The following PRDM5 variants were observed in gnomAD, a reference collection of about 807,000 sequenced individuals.
The protein encoded by PRDM5 is PR domain zinc finger protein 5.
Under a neutral mutation model 81.2 loss-of-function variants are expected in PRDM5, and 56 were observed. The observed-to-expected ratio is 0.69, with a 90% confidence interval of 0.56 to 0.86. The LOEUF is 0.86. PRDM5 is among the 40% of genes least tolerant of loss of function. The probability of loss-of-function intolerance (pLI) is 0.00; values close to 1 mark genes in which losing one functional copy is unlikely to be tolerated. For synonymous variants in PRDM5, 267 were observed against 256.4 expected (o/e 1.04, Z -0.39); for missense variants, 697 against 770.1 (o/e 0.91, Z 1.12).
intron 15 of PRDM5, among the ~76,000 whole-genome samples, chr4:120,704,559 T>G (rs146088724): frequency 6.6e-6 from 1 of 152,348 alleles, no homozygotes; most frequent in East Asian, 1.9e-4. Context: ...TCTAGATAAG[T>G]ATCTTCAGTT....
chr4:120,852,040 T>C (rs1275944007), intron 3 of PRDM5, among the ~76,000 whole-genome samples: 3 of 152,182 alleles, frequency 2.0e-5, no homozygotes, highest in Non-Finnish European at 2.9e-5. Flanking sequence ...AATGTTTCCT[T>C]ATTCTTTTGG....
At chr4:120,707,144 T>C (rs1246423325) in intron 15 of PRDM5, among the ~76,000 whole-genome samples, 2 of 152,052 alleles carry the variant, frequency 1.3e-5, no homozygotes, top group Non-Finnish European at 2.9e-5. Flanking sequence ...AAATCTCTTA[T>C]AAATTCAGAT....
intron 14 of PRDM5, among the ~76,000 whole-genome samples, chr4:120,749,159 C>T (rs902346639): frequency 6.6e-6 from 1 of 151,562 alleles, no homozygotes; most frequent in Admixed American, 6.6e-5. Context: ...GGTCATGAAA[C>T]ATTTTGTGAG....
At position 120,877,552 on chromosome 4, in the gene PRDM5, C is replaced by G. The variant is rs375261372; in HGVS notation, c.178-24012G>C. Among the ~76,000 whole-genome samples, 13 of 152,256 alleles carry G rather than the reference C, an allele frequency of 8.5e-5. No homozygotes were observed. The East Asian group carries it at 2.3e-3, about 27-fold the overall frequency. The stretch of plus-strand genomic sequence containing the variant: ...GGGTGCGGTGGCTCACGCCTGTAAT[C>G]CCAGCACTTTGGGAGGCTGAGGCGG... On this transcript the variant is annotated intron_variant, in intron 2 of 15. Transcript: ENST00000264808.
intron 7 of PRDM5, among the ~76,000 whole-genome samples, chr4:120,815,053 G>T (rs1334780207): frequency 2.0e-5 from 3 of 152,160 alleles, no homozygotes; most frequent in African/African-American, 7.2e-5. Flanking sequence ...TAATAAGAAT[G>T]CAAGTCTCCA....
At chr4:120,763,411 T>C (rs886219376) in intron 13 of PRDM5, among the ~76,000 whole-genome samples, 7 of 152,170 alleles carry the variant, frequency 4.6e-5, no homozygotes, top group Non-Finnish European at 7.3e-5. Context: ...ATTACCCTCA[T>C]TACATGTGAC....
At chr4:120,711,624 C>A (rs1030248990) in intron 14 of PRDM5, among the ~76,000 whole-genome samples, 2 of 151,908 alleles carry the variant, frequency 1.3e-5, no homozygotes, top group Non-Finnish European at 2.9e-5. Flanking sequence ...ATTTCTATTA[C>A]CTCATCTTTT....
At chr4:120,873,537 C>T (rs1467488813) in intron 2 of PRDM5, among the ~76,000 whole-genome samples, 1 of 152,208 alleles carries the variant, frequency 6.6e-6, no homozygotes, top group Admixed American at 6.5e-5. Context: ...CATTTCTTCA[C>T]CTCCCACAAA....
intron 10 of PRDM5, among the ~76,000 whole-genome samples, chr4:120,794,561 A>G: frequency 7.1e-6 from 1 of 140,556 alleles, no homozygotes; most frequent in African/African-American, 2.6e-5. Context: ...ACACACACAT[A>G]CAAATACACA....
chr4:120,803,388 C>G (rs924632673), intron 8 of PRDM5, among the ~76,000 whole-genome samples: 1 of 152,046 alleles, frequency 6.6e-6, no homozygotes, highest in Non-Finnish European at 1.5e-5. Flanking sequence ...AAGAGCAACT[C>G]CAAGACACAT....
At chr4:120,868,599 T>C (rs2148527334) in intron 2 of PRDM5, among the ~76,000 whole-genome samples, 1 of 152,292 alleles carries the variant, frequency 6.6e-6, no homozygotes, top group Middle Eastern at 3.4e-3. Context: ...TGATGACAGG[T>C]CCTCTTGCAA....
intron 13 of PRDM5, among the ~76,000 whole-genome samples, chr4:120,770,020 ATTTGTTTG>A (rs66903785): frequency 0.18 from 27,433 of 151,078 alleles, 2,891 homozygotes; most frequent in East Asian, 0.47. Context: ...TTATTTATTT[ATTTGTTTG>A]TTTGTTTGTT....
At chr4:120,744,163 C>T (rs1044581425) in intron 14 of PRDM5, among the ~76,000 whole-genome samples, 15 of 151,992 alleles carry the variant, frequency 9.9e-5, no homozygotes, top group Admixed American at 7.2e-4. Context: ...AACTGAACAA[C>T]GTGCTCCTGA....
chr4:120,830,841 C>CA lies in PRDM5; in HGVS notation c.301-9497dup, dbSNP rs377200671. ...CCTAAAAACAGAATACTATATTAAA[C>CA]AAAAAAATCAAGTCTATAAGCAAAG... On this transcript the variant is annotated intron_variant, in intron 3 of 15. Coordinates refer to ENST00000264808, the MANE Select transcript of PRDM5 (RefSeq NM_018699.4). Among the ~76,000 whole-genome samples the CA allele has an allele frequency of 9.8e-3, 1,481 of 151,784 alleles. 28 individuals are homozygous for CA. Among genetic ancestry groups the CA allele is most frequent in the African/African-American group, 0.033 (1,382 of 41,416 alleles).
At chr4:120,876,503 G>C (rs1762344639) in intron 2 of PRDM5, among the ~76,000 whole-genome samples, 1 of 151,928 alleles carries the variant, frequency 6.6e-6, no homozygotes, top group South Asian at 2.1e-4. Flanking sequence ...TTTATTGTTT[G>C]ATTTGGCATA....
At chr4:120,762,120 T>C (rs547106005) in intron 13 of PRDM5, among the ~76,000 whole-genome samples, 3 of 152,276 alleles carry the variant, frequency 2.0e-5, no homozygotes, top group South Asian at 4.1e-4. Context: ...ATTTAATATA[T>C]TTCAAAAACC....
chr4:120,807,361 G>A (rs1753140897), intron 8 of PRDM5, among the ~76,000 whole-genome samples: 1 of 152,188 alleles, frequency 6.6e-6, no homozygotes, highest in Admixed American at 6.5e-5. Context: ...ACCATTACTG[G>A]GTTATACCCA....
At chr4:120,906,942 C>T (rs141289314) in intron 2 of PRDM5, among the ~76,000 whole-genome samples, 28 of 145,074 alleles carry the variant, frequency 1.9e-4, no homozygotes, top group African/African-American at 3.3e-4. Flanking sequence ...TATTTTTCAA[C>T]GAAGAACTTC....
At chr4:120,879,732 T>C (rs1041869351) in intron 2 of PRDM5, among the ~76,000 whole-genome samples, 15 of 152,126 alleles carry the variant, frequency 9.9e-5, no homozygotes, top group Admixed American at 6.5e-5. Context: ...TCAAAAGTTA[T>C]ACATCAATTT....
Sources: gnomAD v4.1 joint callset for allele counts (sites outside exome capture counted in the v4.1 genomes callset) on GRCh38, gnomAD v4.1.1 for gene constraint, MANE v1.5 for transcripts, NCBI Gene and HGNC (gene_info 2026-07-23, HGNC 2026-07-21) for gene names.